The following NR5A1 variants were observed in gnomAD, a reference collection of about 807,000 sequenced individuals.
NR5A1 encodes steroidogenic factor 1.
Under a neutral mutation model 42.7 loss-of-function variants are expected in NR5A1, and 6 were observed. That is an observed-to-expected ratio of 0.14 (90% CI 0.08 to 0.28). The LOEUF (loss-of-function observed/expected upper bound fraction) is 0.28. NR5A1 is among the 10% of genes least tolerant of loss of function. The pLI is 1.00. For synonymous variants in NR5A1, 274 were observed against 277.5 expected, an observed-to-expected ratio of 0.99 and a Z score of 0.12; for missense variants, 442 against 626.4, an observed-to-expected ratio of 0.71 and a Z score of 3.14.
At position 124,503,635 on chromosome 9, in the gene NR5A1, C is replaced by T. The variant is rs577768714; in HGVS notation, c.-15-225G>A. ...CCAGGCCCCACGCTCCCGCCCCGTC[C>T]GGGGGGCTCCTCCCGCGCGGACCCC... On this transcript the variant is annotated intron_variant, in intron 1 of 6. Coordinates refer to ENST00000373588, the MANE Select transcript of NR5A1 (RefSeq NM_004959.5). This position sits in a 1 kb window ranked among gnomAD's most constrained non-coding sequence, Gnocchi z 9.6. Among the ~76,000 whole-genome samples, 34 of 152,276 alleles carry T rather than the reference C, an allele frequency of 2.2e-4. No homozygotes were observed. In the South Asian group the frequency reaches 6.6e-3, roughly 30 times the overall value.
At chr9:124,493,233 C>A in intron 4 of NR5A1, 84 bp from the exon 5 acceptor site, 1 of 1,523,902 alleles carries the variant, frequency 6.6e-7, no homozygotes, top group Non-Finnish European at 8.8e-7. Context: ...CCACTGAGAC[C>A]CAACTAGGCG....
In NR5A1 at chr9:124,492,423, G is replaced by C. The variant is rs553837668; in HGVS notation, c.990+607C>G. 2.0e-5 allele frequency among the ~76,000 whole-genome samples: 3 copies of C among 151,348 alleles called. No individual in the cohort carries two copies. The South Asian group carries it at 6.3e-4, about 32-fold the overall frequency. On this transcript the variant is annotated intron_variant, in intron 5 of 6. Transcript: ENST00000373588. ...CTCTCCCCGGACCCCTGCTGCATCT[G>C]GACTTTCTACTCCCCAGATCCTCAT... is the stretch of plus-strand genomic sequence containing the variant.
At chr9:124,492,786 C>T (rs1445156466) in intron 5 of NR5A1, among the ~76,000 whole-genome samples, 1 of 152,232 alleles carries the variant, frequency 6.6e-6, no homozygotes, top group Non-Finnish European at 1.5e-5. Flanking sequence ...ACCATGCCCA[C>T]ACCCCCTGAG....
At chr9:124,502,410 G>A (rs1832484364) in intron 3 of NR5A1, among the ~76,000 whole-genome samples, 1 of 152,010 alleles carries the variant, frequency 6.6e-6, no homozygotes, top group Non-Finnish European at 1.5e-5. Flanking sequence ...GCTCACTGCA[G>A]CCTCGACTTT....
chr9:124,487,698 C>T (rs1187994091), intron 6 of NR5A1, among the ~76,000 whole-genome samples: 1 of 152,234 alleles, frequency 6.6e-6, no homozygotes, highest in African/African-American at 2.4e-5. Context: ...GAGCCGCCCC[C>T]GAGGGGGACG....
At chr9:124,495,488 G>A (rs893062329) in intron 4 of NR5A1, among the ~76,000 whole-genome samples, 2 of 152,190 alleles carry the variant, frequency 1.3e-5, no homozygotes, top group African/African-American at 4.8e-5. Context: ...GGTTCCTACC[G>A]GCCAGACTTC....
At chr9:124,488,139 C>T (rs1832250442) in intron 6 of NR5A1, among the ~76,000 whole-genome samples, 2 of 91,160 alleles carry the variant, frequency 2.2e-5, no homozygotes, top group African/African-American at 1.3e-4. Flanking sequence ...ATTAGTGCTG[C>T]TTGTTTTTTT....
intron 5 of NR5A1, 84 bp downstream of exon 5, chr9:124,492,946 G>C: frequency 7.0e-7 from 1 of 1,438,428 alleles, no homozygotes; most frequent in Non-Finnish European, 9.2e-7. Flanking sequence ...AGAGGCCTGG[G>C]TCCTCCTCTC....
chr9:124,503,447 G>A lies in NR5A1; in HGVS notation c.-15-37C>T, dbSNP rs1408944880. ...CAGCGGGTCAGGGAGGGCCGGCGGA[G>A]ACCGGCAGCCTGGGGTCCCCGCGGC... On this transcript the variant is annotated intron_variant, in intron 1 of 6. Transcript: ENST00000373588. The surrounding 1 kb of genome is among the most constrained non-coding windows in gnomAD (Gnocchi z 9.6). 1.9e-6 allele frequency: 3 copies of A among 1,538,668 alleles called. No individual in the cohort carries two copies. Among genetic ancestry groups the A allele is most frequent in the Non-Finnish European group, 2.6e-6 (3 of 1,137,160 alleles).
At chr9:124,497,779 C>T (rs967732110) in intron 4 of NR5A1, among the ~76,000 whole-genome samples, 1 of 152,256 alleles carries the variant, frequency 6.6e-6, no homozygotes, top group African/African-American at 2.4e-5. Flanking sequence ...TTGGAACTCC[C>T]GGAACACGAT....
At chr9:124,502,099 G>A (rs1405122930) in intron 3 of NR5A1, among the ~76,000 whole-genome samples, 1 of 152,086 alleles carries the variant, frequency 6.6e-6, no homozygotes, top group Non-Finnish European at 1.5e-5. Context: ...TGGATGGACG[G>A]ACAGACAAGC....
chr9:124,487,058 C>A (rs945515275), intron 6 of NR5A1, among the ~76,000 whole-genome samples: 1 of 152,232 alleles, frequency 6.6e-6, no homozygotes, highest in African/African-American at 2.4e-5. Flanking sequence ...GAGGAGCCTG[C>A]GCCCCCCAAG....
chr9:124,485,712 C>T (rs2131271804), intron 6 of NR5A1, among the ~76,000 whole-genome samples: 1 of 152,366 alleles, frequency 6.6e-6, no homozygotes, highest in South Asian at 2.1e-4. Flanking sequence ...TGCTCTTGTG[C>T]AGTGAATGAC....
Position 124,498,092 on chromosome 9 carries a change from C to T in NR5A1, c.870+1998G>A, listed in dbSNP as rs955607440. Among the ~76,000 whole-genome samples, 1 of 152,126 alleles carries T rather than the reference C, an allele frequency of 6.6e-6. No homozygotes were observed. The highest frequency in any genetic ancestry group is 1.5e-5 in the Non-Finnish European group (1 of 68,008). ...GCTCCACTCTCAGAGCCAGAGAGCC[C>T]CCTCTTCTGTCTGCTAAGATGTGTC... On this transcript the variant is annotated intron_variant, in intron 4 of 6. Coordinates refer to ENST00000373588, the MANE Select transcript of NR5A1 (RefSeq NM_004959.5). The surrounding 1 kb of genome is among the most constrained non-coding windows in gnomAD (Gnocchi z 4.6).
At chr9:124,492,487 C>A (rs1308521808) in intron 5 of NR5A1, among the ~76,000 whole-genome samples, 1 of 152,140 alleles carries the variant, frequency 6.6e-6, no homozygotes, top group Non-Finnish European at 1.5e-5. Flanking sequence ...ACTCTGAGCT[C>A]TCTGGAGCCC....
At chr9:124,497,431 C>T (rs112252299) in intron 4 of NR5A1, among the ~76,000 whole-genome samples, 8 of 152,250 alleles carry the variant, frequency 5.3e-5, no homozygotes, top group East Asian at 1.9e-4. Flanking sequence ...AACATGGAGA[C>T]GGAGGGACCC....
chr9:124,507,079 G>A (rs537501501), intron 1 of NR5A1, 170 bp downstream of exon 1: 9 of 152,814 alleles, frequency 5.9e-5, no homozygotes, highest in African/African-American at 2.2e-4. Context: ...CAGGGAAGAA[G>A]AGGGGGTAGC....
intron 4 of NR5A1, among the ~76,000 whole-genome samples, chr9:124,495,668 C>T (rs773541992): frequency 6.6e-6 from 1 of 152,140 alleles, no homozygotes; most frequent in Non-Finnish European, 1.5e-5. Context: ...GCGCCCAGAA[C>T]GAAGACACAA....
In NR5A1 at chr9:124,500,438, G is replaced by C; in HGVS notation, c.522C>G (p.Pro174=). The C allele has an allele frequency of 1.3e-6, 2 of 1,578,012 alleles. No homozygotes were observed. The highest frequency in any genetic ancestry group is 1.7e-6 in the Non-Finnish European group (2 of 1,163,642). The part of the protein sequence containing the change: ...FGAPALPMAV[P]GAHGPLAGYL... ...AGCCAGCCAGTGGCCCGTGGGCACC[G>C]GGCACGGCCATGGGCAGTGCTGGGG... Residue 174 remains proline, a synonymous_variant, in exon 4 of 7, where the codon CCC becomes CCG. Transcript: ENST00000373588. This position sits in a 1 kb window ranked among gnomAD's most constrained non-coding sequence, Gnocchi z 6.9.
Sources: allele counts gnomAD v4.1 joint callset (sites outside exome capture counted in the v4.1 genomes callset), GRCh38; gene constraint gnomAD v4.1.1; non-coding constraint Gnocchi (gnomAD v3.1); transcripts MANE v1.5; gene names NCBI Gene and HGNC (gene_info 2026-07-23, HGNC 2026-07-21).